The following EFCAB6 variants were observed in gnomAD, a reference collection of about 807,000 sequenced individuals.
EFCAB6 encodes EF-hand calcium-binding domain-containing protein 6.
Under a neutral mutation model 169.8 loss-of-function variants are expected in EFCAB6, and 156 were observed. That is an observed-to-expected ratio of 0.92 (90% CI 0.81 to 1.05). The LOEUF is 1.05. Ranked by LOEUF, EFCAB6 falls within the 50% of genes least tolerant of loss-of-function variation. EFCAB6 has a pLI of 0.00. For missense variants in EFCAB6, 1,800 were observed against 1,829.1 expected, an observed-to-expected ratio of 0.98 and a Z score of 0.29; for synonymous variants, 698 against 676.4, an observed-to-expected ratio of 1.03 and a Z score of -0.50.
At chr22:43,781,334 AT>A (rs1247138730) in intron 3 of EFCAB6, among the ~76,000 whole-genome samples, 1 of 151,958 alleles carries the variant, frequency 6.6e-6, no homozygotes, top group East Asian at 1.9e-4. Flanking sequence ...TATTATTATT[AT>A]TTTTTTGAGA....
chr22:43,758,288 G>A (rs995325084), intron 5 of EFCAB6, among the ~76,000 whole-genome samples: 1 of 152,040 alleles, frequency 6.6e-6, no homozygotes, highest in African/African-American at 2.4e-5. Flanking sequence ...CTATAAATTT[G>A]TGTTCTCTAT....
At chr22:43,541,973 G>C (rs970553234) in intron 27 of EFCAB6, among the ~76,000 whole-genome samples, 3 of 152,262 alleles carry the variant, frequency 2.0e-5, no homozygotes, top group African/African-American at 7.2e-5. Flanking sequence ...CCCAGGGGAA[G>C]GATGCTTCAA....
chr22:43,595,860 C>G (rs948624777), intron 23 of EFCAB6, among the ~76,000 whole-genome samples: 14 of 152,228 alleles, frequency 9.2e-5, no homozygotes, highest in African/African-American at 3.1e-4. Context: ...AAAATACTAG[C>G]AAACCAAATT....
chr22:43,689,349 G>GCACGTGCA (rs1556091658), intron 10 of EFCAB6, among the ~76,000 whole-genome samples: 1 of 146,962 alleles, frequency 6.8e-6, no homozygotes, highest in Non-Finnish European at 1.5e-5. Flanking sequence ...GAGAGCACGT[G>GCACGTGCA]CACACACACA....
chr22:43,546,913 CT>C (rs2048091332), intron 27 of EFCAB6, among the ~76,000 whole-genome samples: 1 of 150,926 alleles, frequency 6.6e-6, no homozygotes, highest in Admixed American at 6.6e-5. Flanking sequence ...AAAGTCTCTA[CT>C]CAGAAAAGTT....
At position 43,716,924 on chromosome 22, in the gene EFCAB6, A is replaced by G; in HGVS notation, c.806T>C (p.Leu269Ser). 6.3e-7 allele frequency: 1 copy of G among 1,581,098 alleles called. No homozygotes were observed. The highest frequency in any genetic ancestry group is 8.6e-7 in the Non-Finnish European group (1 of 1,165,788). ...ATCTTCAGATGATGCAGAACCTAGCAAACGTTCCTTTTTGGAATTTTTGGC... is the reference window on the plus strand; with the variant it reads ...ATCTTCAGATGATGCAGAACCTAGCGAACGTTCCTTTTTGGAATTTTTGGC... ...QQAKNSKKER[L>S]LGSASSEDIW... The change falls in exon 9 of 32, where the codon TTG becomes TCG. Residue 269 changes from leucine to serine, a missense_variant. Coordinates refer to ENST00000262726, the MANE Select transcript of EFCAB6 (RefSeq NM_022785.4).
At chr22:43,696,226 G>T (rs1009426281) in intron 10 of EFCAB6, among the ~76,000 whole-genome samples, 1 of 151,994 alleles carries the variant, frequency 6.6e-6, no homozygotes, top group Admixed American at 6.6e-5. Flanking sequence ...TTCATCATCA[G>T]GAAAATGCAA....
Position 43,650,237 on chromosome 22 carries a change from T to C in EFCAB6, c.1984-15021A>G, listed in dbSNP as rs559834490. Among the ~76,000 whole-genome samples the C allele has an allele frequency of 4.6e-5, 7 of 152,254 alleles. No homozygotes were observed. In the East Asian group the frequency reaches 1.4e-3, roughly 29 times the overall value. ...ATCTCATCTTGAATTCCCATGTGTT[T>C]TGGGAGGCACCTGGTGGGAGGTAAT... On this transcript the variant is annotated intron_variant, in intron 17 of 31. Transcript: ENST00000262726.
intron 17 of EFCAB6, among the ~76,000 whole-genome samples, chr22:43,653,431 T>C (rs2056578750): frequency 1.3e-5 from 2 of 152,080 alleles, no homozygotes; most frequent in Non-Finnish European, 2.9e-5. Context: ...CAGAAGAAAA[T>C]GATTGCCAAC....
chr22:43,765,182 A>T, intron 5 of EFCAB6, 123 bp downstream of exon 5: 1 of 647,020 alleles, frequency 1.5e-6, no homozygotes, highest in Non-Finnish European at 2.7e-6. Flanking sequence ...CCATATGGAC[A>T]AGTTCTACAA....
chr22:43,545,628 C>A (rs1171947559), intron 27 of EFCAB6, among the ~76,000 whole-genome samples: 2 of 152,102 alleles, frequency 1.3e-5, no homozygotes, highest in African/African-American at 4.8e-5. Context: ...GAGATCCTGG[C>A]ATAATGAGCC....
chr22:43,790,716 A>G (rs867559579), intron 2 of EFCAB6, among the ~76,000 whole-genome samples: 17 of 152,314 alleles, frequency 1.1e-4, no homozygotes, highest in African/African-American at 4.1e-4. Flanking sequence ...GGTTAAAGGA[A>G]TATCTCTGGC....
In EFCAB6 at chr22:43,750,779, GTC is replaced by G. The variant is rs542724427; in HGVS notation, c.507+4985_507+4986del. On this transcript the variant is annotated intron_variant, in intron 6 of 31. Coordinates refer to ENST00000262726, the MANE Select transcript of EFCAB6 (RefSeq NM_022785.4). ...TCCCTTGAATATTAAATTTTTAAATGTCTTTTTAAAGAAAATTCACCTCTTTA... is the reference window on the plus strand; with the variant it reads ...TCCCTTGAATATTAAATTTTTAAATGTTTTTAAAGAAAATTCACCTCTTTA... 9.1e-4 allele frequency among the ~76,000 whole-genome samples: 138 copies of G among 152,234 alleles called. 2 individuals are homozygous for G. The highest frequency in any genetic ancestry group is 3.4e-3 in the Middle Eastern group (1 of 294).
At chr22:43,748,847 A>G (rs368245614) in intron 6 of EFCAB6, among the ~76,000 whole-genome samples, 7 of 152,304 alleles carry the variant, frequency 4.6e-5, no homozygotes, top group Admixed American at 6.5e-5. Flanking sequence ...GAAAGCTGGG[A>G]CATTTAACTG....
rs532088483 is a variant in EFCAB6 at position 43,806,623 on chromosome 22, C to T, written c.-8+2372G>A. 3.2e-4 allele frequency among the ~76,000 whole-genome samples: 48 copies of T among 152,254 alleles called. 1 individual carries two copies. In the South Asian group the frequency reaches 9.8e-3, roughly 31 times the overall value. ...CCTGGCTTCAGGTGATCCTTCCAGA[C>T]GCCATTACCTCCAGGCATGCTACGT... On this transcript the variant is annotated intron_variant, in intron 2 of 31. Transcript: ENST00000262726.
chr22:43,618,908 CT>C (rs2053928221), intron 20 of EFCAB6, among the ~76,000 whole-genome samples: 1 of 25,322 alleles, frequency 3.9e-5, no homozygotes, highest in Non-Finnish European at 6.5e-5. Flanking sequence ...TTTTCTCTCT[CT>C]CTTTTTTTTT....
chr22:43,675,435 G>C (rs1336062107), intron 13 of EFCAB6, among the ~76,000 whole-genome samples: 2 of 118,460 alleles, frequency 1.7e-5, no homozygotes, highest in African/African-American at 6.3e-5. Context: ...TATAATATAG[G>C]ATTATAATAT....
chr22:43,595,644 T>G (rs1029779757), intron 23 of EFCAB6, among the ~76,000 whole-genome samples: 14 of 152,158 alleles, frequency 9.2e-5, no homozygotes, highest in Non-Finnish European at 4.4e-5. Flanking sequence ...CCTGATGGCT[T>G]CACTGCTAAA....
intron 10 of EFCAB6, among the ~76,000 whole-genome samples, chr22:43,705,295 C>G (rs373288883): frequency 9.1e-4 from 138 of 152,058 alleles, no homozygotes; most frequent in Middle Eastern, 3.4e-3. Flanking sequence ...TTTCAATACC[C>G]CACTTTCAAT....
Sources: allele counts gnomAD v4.1 joint callset (sites outside exome capture counted in the v4.1 genomes callset), GRCh38; gene constraint gnomAD v4.1.1; transcripts MANE v1.5; gene names NCBI Gene and HGNC (gene_info 2026-07-23, HGNC 2026-07-21).